Variants in ZNF124 observed in about 807,000 individuals in gnomAD.
ZNF124 encodes the protein zinc finger protein HZF-16.
A neutral mutation model predicts 26.6 loss-of-function variants in ZNF124; 25 were observed. That is an observed-to-expected ratio of 0.94 (90% confidence interval 0.68 to 1.31). ZNF124 has a LOEUF of 1.31. Among genes scored for constraint, ZNF124 ranks in the 40% most tolerant of loss-of-function variants. ZNF124 has a pLI of 0.00. For missense variants in ZNF124, 444 were observed against 422.2 expected (o/e 1.05, Z -0.45); for synonymous variants, 129 against 133.3 (o/e 0.97, Z 0.22).
At chr1:247,127,844 A>G (rs4925590) in intron 3 of ZNF124, among the ~76,000 whole-genome samples, 4 of 149,984 alleles carry the variant, frequency 2.7e-5, no homozygotes, top group African/African-American at 7.3e-5. Flanking sequence ...AGCTTCCGGC[A>G]GAATGAAGCC....
downstream of ZNF124, among the ~76,000 whole-genome samples, chr1:247,154,847 C>T (rs1426754162): frequency 6.6e-6 from 1 of 152,038 alleles, no homozygotes; most frequent in Non-Finnish European, 1.5e-5. Flanking sequence ...TTTAGAAAGT[C>T]AATTAATGTG....
At chr1:247,163,393 A>AG (rs530058974) in intron 1 of ZNF124, among the ~76,000 whole-genome samples, 1,073 of 16,446 alleles carry the variant, frequency 0.065, 13 homozygotes, top group Middle Eastern at 0.14. Flanking sequence ...AGCTAGACTA[A>AG]TAAAGAAAAG....
Position 247,156,751 on chromosome 1 carries a change from C to T in ZNF124, c.871G>A (p.Val291Ile), listed in dbSNP as rs149214672. ...AAGCCTTTACCACAATTGTTACATACATAGGGTTTCTGTGCAATATGAGTT... is the reference window on the plus strand; with the variant it reads ...AAGCCTTTACCACAATTGTTACATATATAGGGTTTCTGTGCAATATGAGTT... ...EKTHIAQKPY[V>I]CNNCGKGFRC... Residue 291 changes from valine (V) to isoleucine (I), a missense_variant, in exon 4 of 4, where the codon GTA becomes ATA. Physicochemically the swap from Val to Ile is conservative, Grantham distance 29. Transcript: ENST00000543802. 6.2e-7 allele frequency: 1 copy of T among 1,612,906 alleles called. No individual in the cohort carries two copies. Among genetic ancestry groups the T allele is most frequent in the South Asian group, 1.1e-5 (1 of 90,952 alleles).
chr1:247,157,087 C>A lies in ZNF124; in HGVS notation c.535G>T (p.Glu179Ter), dbSNP rs756758814. ...KRIHTGEKRYECKQCGKAFSR... is the reference protein window; with the variant it reads ...KRIHTGEKRY ...AAGGCTTTCCCACATTGCTTACATT[C>A]ATAGCGTTTTTCTCCAGTGTGAATC... The change falls in exon 4 of 4, where the codon GAA becomes TAA. Residue 179 changes from glutamate (E) to a stop codon, truncating the protein, a stop_gained. Transcript: ENST00000543802. LOFTEE classifies it high-confidence loss of function. The A allele has an allele frequency of 1.2e-6, 2 of 1,614,192 alleles. No homozygotes were observed. The highest frequency in any genetic ancestry group is 2.2e-5 in the South Asian group (2 of 91,080).
chr1:247,122,561 A>C (rs2103094793), exon 4 of ZNF124: 1 of 152,338 alleles, frequency 6.6e-6, no homozygotes, highest in East Asian at 1.9e-4. Context: ...GCCATAAAAA[A>C]GTGAGGTCTC....
intron 3 of ZNF124, among the ~76,000 whole-genome samples, chr1:247,139,424 T>C (rs1367351269): frequency 6.6e-6 from 1 of 152,256 alleles, no homozygotes; most frequent in Non-Finnish European, 1.5e-5. Context: ...GAAGGCAACA[T>C]ACCATCAGGT....
At chr1:247,122,388 T>C (rs956925689) in exon 4 of ZNF124, 1 of 152,236 alleles carries the variant, frequency 6.6e-6, no homozygotes, top group African/African-American at 2.4e-5. Flanking sequence ...ATAACACAAA[T>C]GAACACAGGA....
intron 1 of ZNF124, among the ~76,000 whole-genome samples, chr1:247,163,792 C>T (rs138914584): frequency 1.8e-3 from 270 of 152,060 alleles, no homozygotes; most frequent in African/African-American, 6.1e-3. Flanking sequence ...TGACAGCCAG[C>T]GTCATCCTGG....
intron 3 of ZNF124, 30 bp from the exon 4 acceptor site, chr1:247,157,433 T>G: frequency 1.3e-6 from 2 of 1,544,394 alleles, no homozygotes; most frequent in Middle Eastern, 1.7e-4. Context: ...GTATGAAGAA[T>G]TTTTCACACA....
In ZNF124 at chr1:247,125,430, C is replaced by CTTTTTTTTTTTTTTTTTTTTT. The variant is rs71566695; in HGVS notation, c.219-1580_219-1560dup. ...TATCTTCACCGACACCTGTTTTTGTCTTTTTTTTTTTTTTTTTTTTTTTTT... is the reference window on the plus strand; with the variant it reads ...TATCTTCACCGACACCTGTTTTTGTCTTTTTTTTTTTTTTTTTTTTTTTTTTTTTTTTTTTTTTTTTTTTTT... On this transcript the variant is annotated intron_variant, in intron 3 of 3. Transcript: ENST00000472531. 9.0e-4 allele frequency among the ~76,000 whole-genome samples: 39 copies of CTTTTTTTTTTTTTTTTTTTTT among 43,292 alleles called. 6 individuals are homozygous for CTTTTTTTTTTTTTTTTTTTTT. The highest frequency in any genetic ancestry group is 1.7e-3 in the South Asian group (1 of 594). 28.4% of individuals were successfully genotyped at this position (43,292 alleles called of 152,430 possible).
At chr1:247,137,493 A>T (rs1437921347) in intron 3 of ZNF124, among the ~76,000 whole-genome samples, 3 of 72,558 alleles carry the variant, frequency 4.1e-5, no homozygotes. Context: ...AATACAAAAA[A>T]AAAAAAAAAA....
chr1:247,128,850 G>A (rs891335646), intron 3 of ZNF124, among the ~76,000 whole-genome samples: 2 of 150,882 alleles, frequency 1.3e-5, no homozygotes, highest in East Asian at 3.9e-4. Flanking sequence ...CAGTTTTCTG[G>A]GGGAGGGTGG....
At chr1:247,166,747 T>C (rs551062432) in intron 1 of ZNF124, among the ~76,000 whole-genome samples, 45 of 152,350 alleles carry the variant, frequency 3.0e-4, no homozygotes, top group Non-Finnish European at 6.2e-4. Context: ...CTCACAGTTA[T>C]ATGACATTGA....
At chr1:247,146,758 A>G (rs1249081303) in intron 3 of ZNF124, among the ~76,000 whole-genome samples, 2 of 152,234 alleles carry the variant, frequency 1.3e-5, no homozygotes, top group East Asian at 1.9e-4. Flanking sequence ...CTAAGAGCCA[A>G]TACATTGAGT....
chr1:247,142,494 G>C (rs1027425280), intron 3 of ZNF124, among the ~76,000 whole-genome samples: 43 of 152,120 alleles, frequency 2.8e-4, no homozygotes, highest in Admixed American at 2.8e-3. Context: ...ATATTAAAAA[G>C]AGTAGCAAAA....
chr1:247,125,323 G>A lies in ZNF124; in HGVS notation c.219-1452C>T, dbSNP rs555523578. ...ATGGTACCTCTATGTTTGAATTTTAGAGGGGTTGCCAGACTGTTTTCCAGA... is the reference window on the plus strand; with the variant it reads ...ATGGTACCTCTATGTTTGAATTTTAAAGGGGTTGCCAGACTGTTTTCCAGA... On this transcript the variant is annotated intron_variant, in intron 3 of 3. Transcript: ENST00000472531. Among the ~76,000 whole-genome samples, 19 of 151,092 alleles carry A rather than the reference G, an allele frequency of 1.3e-4. No individual in the cohort carries two copies. The South Asian group carries it at 1.3e-3, about 10-fold the overall frequency.
chr1:247,156,925 G>A lies in ZNF124; in HGVS notation c.697C>T (p.Pro233Ser). ...YHERTHTGEKPYVCMECGKAF... is the reference protein window; with the variant it reads ...YHERTHTGEKSYVCMECGKAF... ...TTGCCACATTCCATGCACACATAAG[G>A]TTTCTCTCCAGTGTGAGTTCTTTCA... The change falls in exon 4 of 4, where the codon CCT (proline) becomes TCT (serine). Residue 233 changes from proline to serine, a missense_variant. Pro to Ser is a moderately conservative substitution (Grantham distance 74). Coordinates refer to ENST00000543802, the MANE Select transcript of ZNF124 (RefSeq NM_001297568.2). The A allele has an allele frequency of 1.9e-6, 3 of 1,613,714 alleles. No individual in the cohort carries two copies. In the South Asian group the frequency reaches 3.3e-5, roughly 18 times the overall value.
chr1:247,157,400 G>A lies in ZNF124; in HGVS notation c.222C>T (p.His74=). The A allele has an allele frequency of 1.3e-6, 2 of 1,552,278 alleles. No individual in the cohort carries two copies. Among genetic ancestry groups the A allele is most frequent in the Non-Finnish European group, 8.7e-7 (1 of 1,147,194 alleles). The change falls in exon 4 of 4, where the codon CAC becomes CAT. Residue 74 remains histidine, a synonymous_variant. Coordinates refer to ENST00000543802, the MANE Select transcript of ZNF124 (RefSeq NM_001297568.2). ...GGTTGTTTCCAGAATGAGATATGAT[G>A]TGCCTATGAAGGGATGAATGACGTA... The part of the protein sequence containing the change: ...QYKNSSRNLR[H]IISHSGNNPY...
intron 3 of ZNF124, among the ~76,000 whole-genome samples, chr1:247,134,334 A>C (rs192870368): frequency 6.6e-6 from 1 of 152,358 alleles, no homozygotes; most frequent in Admixed American, 6.5e-5. Context: ...GTCAAGACTC[A>C]TCAGTGTGCT....
Sources: gnomAD v4.1 joint callset for allele counts (sites outside exome capture counted in the v4.1 genomes callset) on GRCh38, gnomAD v4.1.1 for gene constraint, MANE v1.5 for transcripts, NCBI Gene and HGNC (gene_info 2026-07-23, HGNC 2026-07-21) for gene names.